MRPS6: variants seen among roughly 807,000 people sequenced by gnomAD.
MRPS6 encodes mitochondrial ribosomal protein S6, also known as small ribosomal subunit protein bS6m.
Under a neutral mutation model 13.1 loss-of-function variants are expected in MRPS6, and 6 were observed. The observed-to-expected ratio is 0.46, with a 90% CI of 0.25 to 0.91. The LOEUF (loss-of-function observed/expected upper bound fraction) is 0.91. MRPS6 is among the 40% of genes least tolerant of loss of function. The pLI is 0.18. For synonymous variants in MRPS6, 61 were observed against 56.5 expected, an observed-to-expected ratio of 1.08 and a Z score of -0.36; for missense variants, 164 against 155.6, an observed-to-expected ratio of 1.05 and a Z score of -0.29.
chr21:34,084,979 G>A (rs1261562524), intron 1 of MRPS6, among the ~76,000 whole-genome samples: 1 of 151,912 alleles, frequency 6.6e-6, no homozygotes, highest in East Asian at 1.9e-4. Flanking sequence ...ACCTTTCTTA[G>A]GAATAAGGGC....
At chr21:34,116,189 T>TGTGTGC (rs1332904388) in intron 1 of MRPS6, among the ~76,000 whole-genome samples, 1 of 130,832 alleles carries the variant, frequency 7.6e-6, no homozygotes, top group Non-Finnish European at 1.5e-5. Context: ...TGTGTGTGTG[T>TGTGTGC]GTGTGTGTGT....
intron 1 of MRPS6, chr21:34,104,473 A>G: frequency 3.0e-6 from 3 of 998,946 alleles, no homozygotes; most frequent in Non-Finnish European, 3.6e-6. Flanking sequence ...TGGGAGAGAA[A>G]TGACTACCTT....
intron 1 of MRPS6, among the ~76,000 whole-genome samples, chr21:34,114,521 AT>A (rs1486288780): frequency 6.6e-6 from 1 of 152,108 alleles, no homozygotes; most frequent in Non-Finnish European, 1.5e-5. Flanking sequence ...GGATTTTTGA[AT>A]CCTTAAGCCA....
chr21:34,141,772 TC>T (rs1980915312), intron 2 of MRPS6, among the ~76,000 whole-genome samples: 1 of 152,174 alleles, frequency 6.6e-6, no homozygotes. Flanking sequence ...ACCTTGTCAA[TC>T]TTTGAAGACC....
At chr21:34,135,025 C>T (rs1246725485) in intron 2 of MRPS6, among the ~76,000 whole-genome samples, 1 of 152,098 alleles carries the variant, frequency 6.6e-6, no homozygotes, top group South Asian at 2.1e-4. Flanking sequence ...TTTAGACTTA[C>T]ATAGAATTGG....
intron 2 of MRPS6, among the ~76,000 whole-genome samples, chr21:34,131,953 A>G (rs986564218): frequency 2.0e-5 from 3 of 152,246 alleles, no homozygotes; most frequent in Admixed American, 6.5e-5. Flanking sequence ...GTTTGTCTGT[A>G]GTAGATGCTC....
Position 34,105,199 on chromosome 21 carries a change from A to G in MRPS6, c.46-20142A>G, listed in dbSNP as rs576161311. 4.1e-5 allele frequency: 41 copies of G among 1,000,294 alleles called. No homozygotes were observed. The South Asian group carries it at 4.2e-4, about 10-fold the overall frequency. The allele number at this position is 1,000,294 out of a possible 1,614,324, so 62.0% of individuals were successfully genotyped here. ...AGTTTATAGATTGCCAGCAGAGTTC[A>G]GAAATAGAGCAGGGATTTACCCGTT... On this transcript the variant is annotated intron_variant, in intron 1 of 2. Coordinates refer to ENST00000399312, the MANE Select transcript of MRPS6 (RefSeq NM_032476.4).
chr21:34,074,347 CT>C (rs1042595595), intron 1 of MRPS6, among the ~76,000 whole-genome samples: 2 of 152,232 alleles, frequency 1.3e-5, no homozygotes, highest in African/African-American at 4.8e-5. Flanking sequence ...AATCTTTTGA[CT>C]TTTCTTTTTC....
chr21:34,115,890 G>C (rs866385922), intron 1 of MRPS6, among the ~76,000 whole-genome samples: 2 of 149,846 alleles, frequency 1.3e-5, no homozygotes, highest in Admixed American at 6.6e-5. Context: ...ATAGTCATCC[G>C]TTCTTTTTTC....
In MRPS6 at chr21:34,073,588, C is replaced by G; in HGVS notation, c.-113C>G. On this transcript the variant is annotated 5_prime_UTR_variant, in exon 1 of 3. Transcript: ENST00000399312. ...GCGCTCTCGGACCGTGCTTTCGCCG[C>G]CTGGGAGCCGTCCGGCGCAGCAGTT... 6 of 927,126 alleles carry G rather than the reference C, an allele frequency of 6.5e-6. No homozygotes were observed. Among genetic ancestry groups the G allele is most frequent in the Non-Finnish European group, 9.5e-6 (6 of 632,494 alleles). 57.4% of individuals were successfully genotyped at this position (927,126 alleles called of 1,614,324 possible).
At chr21:34,123,598 T>C (rs1357852566) in intron 1 of MRPS6, 2 of 152,094 alleles carry the variant, frequency 1.3e-5, no homozygotes, top group Non-Finnish European at 2.9e-5. Flanking sequence ...CTAGACCATA[T>C]AGTAGTTATC....
intron 1 of MRPS6, among the ~76,000 whole-genome samples, chr21:34,119,094 T>C (rs1172294629): frequency 6.6e-6 from 1 of 152,212 alleles, no homozygotes; most frequent in Non-Finnish European, 1.5e-5. Flanking sequence ...CGATAATTTT[T>C]ATTCCTTAAT....
intron 1 of MRPS6, among the ~76,000 whole-genome samples, chr21:34,078,096 T>C (rs1376131805): frequency 6.6e-6 from 1 of 152,182 alleles, no homozygotes; most frequent in African/African-American, 2.4e-5. Context: ...TGCTGTGTGT[T>C]GGTGGGAGAC....
At position 34,073,666 on chromosome 21, in the gene MRPS6, C is replaced by A; in HGVS notation, c.-35C>A. On this transcript the variant is annotated 5_prime_UTR_variant, in exon 1 of 3. It adds an upstream start codon to the 5' untranslated region. Coordinates refer to ENST00000399312, the MANE Select transcript of MRPS6 (RefSeq NM_032476.4). ...CGCCCCTTCGCGTCCCGGGAACCGGCTGGCTTCCGAGCCGCACTCGCCGAT... is the reference window on the plus strand; with the variant it reads ...CGCCCCTTCGCGTCCCGGGAACCGGATGGCTTCCGAGCCGCACTCGCCGAT... 6.6e-7 allele frequency: 1 copy of A among 1,512,010 alleles called. No homozygotes were observed. The highest frequency in any genetic ancestry group is 2.7e-5 in the East Asian group (1 of 36,758). The allele number at this position is 1,512,010 out of a possible 1,614,324, so 93.7% of individuals were successfully genotyped here.
intron 2 of MRPS6, among the ~76,000 whole-genome samples, chr21:34,130,851 C>G (rs1459511608): frequency 1.3e-5 from 2 of 152,246 alleles, no homozygotes; most frequent in African/African-American, 2.4e-5. Flanking sequence ...AAGAGAGATG[C>G]TTTTGTGAAG....
At chr21:34,101,230 A>C (rs1310196679) in intron 1 of MRPS6, 5 of 999,986 alleles carry the variant, frequency 5.0e-6, no homozygotes, top group Non-Finnish European at 6.0e-6. Context: ...ATGTAGAATC[A>C]TTTTCATTAG....
chr21:34,093,842 GA>G (rs1432472029), intron 1 of MRPS6, among the ~76,000 whole-genome samples: 1 of 152,094 alleles, frequency 6.6e-6, no homozygotes, highest in Non-Finnish European at 1.5e-5. Context: ...ATCCAGAACT[GA>G]AAAATTCCTG....
At chr21:34,106,219 G>A (rs1320725680) in intron 1 of MRPS6, 10 of 963,550 alleles carry the variant, frequency 1.0e-5, no homozygotes, top group Non-Finnish European at 1.1e-5. Flanking sequence ...TTATGGAAAT[G>A]TTAGCAATTC....
intron 1 of MRPS6, among the ~76,000 whole-genome samples, chr21:34,079,633 T>G (rs1236840759): frequency 1.4e-5 from 1 of 72,530 alleles, no homozygotes; most frequent in Non-Finnish European, 3.1e-5. Flanking sequence ...TTTTTTTTTT[T>G]AGTAGAGATG....
Sources: gnomAD v4.1 joint callset for allele counts (sites outside exome capture counted in the v4.1 genomes callset) on GRCh38, gnomAD v4.1.1 for gene constraint, MANE v1.5 for transcripts, NCBI Gene and HGNC (gene_info 2026-07-23, HGNC 2026-07-21) for gene names.